The following XKR4 variants were observed in gnomAD, a reference collection of about 807,000 sequenced individuals.
The protein encoded by XKR4 is XK-related protein 4.
XKR4 carries 12 observed loss-of-function variants against 53.9 expected under a neutral mutation model. The ratio of observed to expected loss-of-function variants is 0.22; its 90% CI spans 0.14 to 0.36. The LOEUF (loss-of-function observed/expected upper bound fraction) is 0.36. Among genes scored for constraint, XKR4 ranks in the 10% least tolerant of loss-of-function variants. The pLI is 1.00. For missense variants in XKR4, 799 were observed against 859.5 expected (o/e 0.93, Z 0.88); for synonymous variants, 354 against 362.4 (o/e 0.98, Z 0.26).
chr8:55,397,289 C>T (rs184563736), intron 2 of XKR4, among the ~76,000 whole-genome samples: 59 of 152,238 alleles, frequency 3.9e-4, no homozygotes, highest in Middle Eastern at 3.4e-3. Context: ...TTTCTCTTGC[C>T]GCAATTATTC....
At chr8:55,245,675 A>G (rs1038217598) in intron 1 of XKR4, among the ~76,000 whole-genome samples, 1 of 152,130 alleles carries the variant, frequency 6.6e-6, no homozygotes, top group Non-Finnish European at 1.5e-5. Flanking sequence ...GAGTCTCCCC[A>G]TGTCAGTGAG....
At chr8:55,224,635 G>A (rs949566282) in intron 1 of XKR4, among the ~76,000 whole-genome samples, 2 of 152,100 alleles carry the variant, frequency 1.3e-5, no homozygotes, top group African/African-American at 2.4e-5. Context: ...AAAAAGAATG[G>A]CCTAATGAAG....
intron 1 of XKR4, among the ~76,000 whole-genome samples, chr8:55,166,877 T>C (rs565812694): frequency 6.6e-6 from 1 of 152,330 alleles, no homozygotes; most frequent in Admixed American, 6.5e-5. Context: ...TTGAATGATA[T>C]ATGAAGCCAT....
intron 2 of XKR4, among the ~76,000 whole-genome samples, chr8:55,474,759 C>G (rs1805948166): frequency 6.6e-6 from 1 of 152,148 alleles, no homozygotes; most frequent in Admixed American, 6.5e-5. Context: ...TTCCCTCACA[C>G]AGAGTGCTGG....
chr8:55,492,696 C>T (rs1477037149), intron 2 of XKR4, among the ~76,000 whole-genome samples: 1 of 152,208 alleles, frequency 6.6e-6, no homozygotes, highest in Non-Finnish European at 1.5e-5. Context: ...TCCAGTTGAT[C>T]GTTTGATCAG....
chr8:55,141,671 CTGTGTGTGTG>C (rs370296200), intron 1 of XKR4, among the ~76,000 whole-genome samples: 19 of 135,148 alleles, frequency 1.4e-4, no homozygotes, highest in South Asian at 2.8e-4. Context: ...CTCTCTCTCT[CTGTGTGTGTG>C]TGTGTGTGTC....
chr8:55,365,012 A>T (rs981188947), intron 2 of XKR4, among the ~76,000 whole-genome samples: 1 of 152,264 alleles, frequency 6.6e-6, no homozygotes, highest in Admixed American at 6.5e-5. Flanking sequence ...TAGTATTATT[A>T]ATAGATAAAC....
At chr8:55,221,587 G>A (rs868138682) in intron 1 of XKR4, among the ~76,000 whole-genome samples, 5 of 152,088 alleles carry the variant, frequency 3.3e-5, no homozygotes, top group African/African-American at 2.4e-5. Context: ...CAGACTACAC[G>A]TTGGTGACCC....
intron 1 of XKR4, among the ~76,000 whole-genome samples, chr8:55,133,093 T>G (rs1816580959): frequency 1.3e-5 from 2 of 152,096 alleles, no homozygotes; most frequent in Non-Finnish European, 2.9e-5. Context: ...CATTTTTGCC[T>G]GAGCAAAAAG....
At chr8:55,353,824 C>T (rs1011521414) in intron 1 of XKR4, among the ~76,000 whole-genome samples, 1 of 152,152 alleles carries the variant, frequency 6.6e-6, no homozygotes, top group African/African-American at 2.4e-5. Flanking sequence ...AAGCTGCAGC[C>T]GTGCAGCGGT....
intron 1 of XKR4, among the ~76,000 whole-genome samples, chr8:55,246,661 A>T (rs913360663): frequency 2.0e-5 from 3 of 151,850 alleles, no homozygotes; most frequent in Admixed American, 6.6e-5. Flanking sequence ...ATTGAGAGTC[A>T]TGGGTATTCT....
chr8:55,460,846 C>T (rs923961329), intron 2 of XKR4, among the ~76,000 whole-genome samples: 37 of 152,252 alleles, frequency 2.4e-4, no homozygotes, highest in African/African-American at 8.9e-4. Flanking sequence ...CCTCACATGG[C>T]TTGGAGGTTC....
intron 2 of XKR4, among the ~76,000 whole-genome samples, chr8:55,457,146 C>CTTTTTTTT (rs1554527639): frequency 1.8e-4 from 25 of 137,236 alleles, no homozygotes; most frequent in African/African-American, 5.8e-4. Context: ...TTTTCCTTTT[C>CTTTTTTTT]TTTTTTTTTT....
chr8:55,419,159 T>C (rs947002501), intron 2 of XKR4, among the ~76,000 whole-genome samples: 9 of 152,030 alleles, frequency 5.9e-5, no homozygotes, highest in Non-Finnish European at 1.3e-4. Flanking sequence ...CTCAGGCAGG[T>C]GGATCACCTG....
intron 1 of XKR4, among the ~76,000 whole-genome samples, chr8:55,220,634 G>T (rs957625759): frequency 3.9e-5 from 6 of 152,122 alleles, no homozygotes; most frequent in African/African-American, 1.4e-4. Flanking sequence ...TCCCACTGGG[G>T]CCTTCCCACT....
rs544098421 is a variant in XKR4 at position 55,211,335 on chromosome 8, G to T, written c.806+108041G>T. Among the ~76,000 whole-genome samples, 34 of 152,244 alleles carry T rather than the reference G, an allele frequency of 2.2e-4. No individual in the cohort carries two copies. The South Asian group carries it at 6.0e-3, about 27-fold the overall frequency. On this transcript the variant is annotated intron_variant, in intron 1 of 2. Coordinates refer to ENST00000327381, the MANE Select transcript of XKR4 (RefSeq NM_052898.2). ...TTTCAAAGAAGAGGAAAATTTCATT[G>T]TCCCCCCTTTAATCAGATTCAGACT...
intron 2 of XKR4, among the ~76,000 whole-genome samples, chr8:55,469,777 T>G (rs984322704): frequency 5.9e-5 from 9 of 152,186 alleles, no homozygotes; most frequent in Admixed American, 5.9e-4. Flanking sequence ...ATGAGCTAAC[T>G]AGGAACAAAT....
At chr8:55,197,904 A>G (rs945349572) in intron 1 of XKR4, among the ~76,000 whole-genome samples, 1 of 152,192 alleles carries the variant, frequency 6.6e-6, no homozygotes, top group Non-Finnish European at 1.5e-5. Flanking sequence ...AAATTACAGT[A>G]AAAAATTTTC....
chr8:55,250,527 C>T (rs1224188202), intron 1 of XKR4, among the ~76,000 whole-genome samples: 1 of 152,210 alleles, frequency 6.6e-6, no homozygotes, highest in East Asian at 1.9e-4. Context: ...CTAACTCCTA[C>T]AAGGACATTT....
Sources: gnomAD v4.1 joint callset for allele counts (sites outside exome capture counted in the v4.1 genomes callset) on GRCh38, gnomAD v4.1.1 for gene constraint, MANE v1.5 for transcripts, NCBI Gene and HGNC (gene_info 2026-07-23, HGNC 2026-07-21) for gene names.